The following SLC6A6 variants were observed in gnomAD, a reference collection of about 807,000 sequenced individuals.
The protein encoded by SLC6A6 is sodium- and chloride-dependent taurine transporter.
In SLC6A6, 16 loss-of-function variants were observed where a neutral mutation model predicts 68.8. The observed-to-expected ratio is 0.23, with a 90% confidence interval of 0.16 to 0.35. The LOEUF is 0.35. Among genes scored for constraint, SLC6A6 ranks in the 10% least tolerant of loss-of-function variants. SLC6A6 has a pLI of 1.00. For synonymous variants in SLC6A6, 312 were observed against 315.4 expected, an observed-to-expected ratio of 0.99 and a Z score of 0.12; for missense variants, 474 against 802.8, an observed-to-expected ratio of 0.59 and a Z score of 4.95.
At chr3:14,484,819 A>G (rs1262760415) in intron 14 of SLC6A6, 48 bp from the exon 15 acceptor site, 9 of 1,598,752 alleles carry the variant, frequency 5.6e-6, no homozygotes, top group Admixed American at 1.7e-5. Context: ...CGAAGGGGAG[A>G]CCAGGCCGCC....
At chr3:14,454,287 G>T (rs993657102) in intron 5 of SLC6A6, among the ~76,000 whole-genome samples, 6 of 152,186 alleles carry the variant, frequency 3.9e-5, no homozygotes, top group Non-Finnish European at 5.9e-5. Flanking sequence ...CAGAGACTGT[G>T]CTGGGAGAGC....
chr3:14,464,673 A>T (rs1700575288), intron 6 of SLC6A6, among the ~76,000 whole-genome samples: 1 of 152,130 alleles, frequency 6.6e-6, no homozygotes, highest in Non-Finnish European at 1.5e-5. Flanking sequence ...GGGCTCTGTC[A>T]CTATTGGTCA....
chr3:14,408,805 T>G (rs150004827), intron 1 of SLC6A6, among the ~76,000 whole-genome samples: 614 of 151,950 alleles, frequency 4.0e-3, no homozygotes, highest in Non-Finnish European at 6.2e-3. Context: ...GTTTTGTTTT[T>G]TTTTTGTTTG....
intron 1 of SLC6A6, among the ~76,000 whole-genome samples, chr3:14,413,491 T>C (rs778890265): frequency 1.4e-4 from 22 of 152,220 alleles, no homozygotes; most frequent in South Asian, 1.2e-3. Context: ...ACGTAGTGAC[T>C]CTGAGTCCTC....
rs532037000 is a variant in SLC6A6, at chr3:14,488,536, C to G, written c.*3529C>G. 6.6e-6 allele frequency: 1 copy of G among 152,380 alleles called. No homozygotes were observed. The highest frequency in any genetic ancestry group is 2.4e-5 in the African/African-American group (1 of 41,560). The allele number at this position is 152,380 out of a possible 1,614,324, so 9.4% of individuals were successfully genotyped here. A position where few individuals can be genotyped will look rare whatever the true frequency, so the allele number is the denominator to read the frequency against. On this transcript the variant is annotated 3_prime_UTR_variant, in exon 15 of 15. Coordinates refer to ENST00000622186, the MANE Select transcript of SLC6A6 (RefSeq NM_003043.6). ...GCCCACCCCACCCAAGATTCAGACACAAGCCAGGAAAGGACCCAAGAGAAA... is the reference window on the plus strand; with the variant it reads ...GCCCACCCCACCCAAGATTCAGACAGAAGCCAGGAAAGGACCCAAGAGAAA...
chr3:14,477,132 C>T lies in SLC6A6; in HGVS notation c.1210-73C>T. 1 of 1,448,736 alleles carries T rather than the reference C, an allele frequency of 6.9e-7. No individual in the cohort carries two copies. The highest frequency in any genetic ancestry group is 9.6e-7 in the Non-Finnish European group (1 of 1,044,760). 89.7% of individuals were successfully genotyped at this position (1,448,736 alleles called of 1,614,324 possible). A position where few individuals can be genotyped will look rare whatever the true frequency, so the allele number is the denominator to read the frequency against. ...CTCCTGCATTGTGTGTTCCTGGGCC[C>T]TTCCCTCCGAGCAGCAGGCAAGGGT... On this transcript the variant is annotated intron_variant, in intron 10 of 14. Coordinates refer to ENST00000622186, the MANE Select transcript of SLC6A6 (RefSeq NM_003043.6). The surrounding 1 kb of genome is among the most constrained non-coding windows in gnomAD (Gnocchi z 4.2).
chr3:14,470,215 A>T (rs931404197), intron 9 of SLC6A6, among the ~76,000 whole-genome samples: 1 of 152,160 alleles, frequency 6.6e-6, no homozygotes, highest in Non-Finnish European at 1.5e-5. Context: ...TGTCAATCTC[A>T]GTTGTTTTTT....
intron 3 of SLC6A6, among the ~76,000 whole-genome samples, chr3:14,445,047 G>T (rs1489396475): frequency 9.2e-6 from 1 of 109,074 alleles, no homozygotes; most frequent in Non-Finnish European, 1.8e-5. Context: ...CGACGTGTGA[G>T]TGGGTCTTAA....
chr3:14,449,108 C>T (rs1292746707), intron 5 of SLC6A6, among the ~76,000 whole-genome samples: 3 of 152,210 alleles, frequency 2.0e-5, no homozygotes, highest in African/African-American at 7.2e-5. Flanking sequence ...GAAGAGGGAG[C>T]GGCCTACCGA....
chr3:14,434,957 A>T (rs759636500), intron 2 of SLC6A6, among the ~76,000 whole-genome samples: 2 of 152,188 alleles, frequency 1.3e-5, no homozygotes, highest in African/African-American at 2.4e-5. Context: ...CAATGTTTTT[A>T]TGAGGGGAAG....
chr3:14,467,996 G>A (rs751456174), intron 8 of SLC6A6, 40 bp downstream of exon 8: 3 of 1,573,334 alleles, frequency 1.9e-6, no homozygotes, highest in African/African-American at 2.7e-5. Flanking sequence ...CTTTAGAAAT[G>A]ATGATGATGA....
rs978525316 is a variant in SLC6A6, at chr3:14,450,712, A to G, written c.599+2896A>G. ...GCACAGGCCGAGGCCAGAGAGCTACACCAGGGGACAGCTCAGTTCCAGCCC... is the reference window on the plus strand; with the variant it reads ...GCACAGGCCGAGGCCAGAGAGCTACGCCAGGGGACAGCTCAGTTCCAGCCC... On this transcript the variant is annotated intron_variant, in intron 5 of 14. Coordinates refer to ENST00000622186, the MANE Select transcript of SLC6A6 (RefSeq NM_003043.6). The surrounding 1 kb of genome is among the most constrained non-coding windows in gnomAD (Gnocchi z 4.1). 6.6e-5 allele frequency among the ~76,000 whole-genome samples: 10 copies of G among 152,202 alleles called. No individual in the cohort carries two copies. Among genetic ancestry groups the G allele is most frequent in the Non-Finnish European group, 1.3e-4 (9 of 68,034 alleles).
intron 2 of SLC6A6, among the ~76,000 whole-genome samples, chr3:14,426,730 G>C (rs1442696170): frequency 6.6e-6 from 1 of 152,132 alleles, no homozygotes; most frequent in African/African-American, 2.4e-5. Flanking sequence ...GAGAACCAAG[G>C]GTTGCTATGA....
In SLC6A6 at chr3:14,485,003, T is replaced by C. The variant is rs1701111794; in HGVS notation, c.1859T>C (p.Met620Thr). 6.2e-7 allele frequency: 1 copy of C among 1,607,922 alleles called. No individual in the cohort carries two copies. The highest frequency in any genetic ancestry group is 8.5e-7 in the Non-Finnish European group (1 of 1,175,454). Reference sequence around the variant, plus strand: ...ACCCACATCATTGTGGAGACCATGATGTGAGCTCTCTCGGGTCGACGGGGC... The same window carrying C: ...ACCCACATCATTGTGGAGACCATGACGTGAGCTCTCTCGGGTCGACGGGGC... ...KPTHIIVETM[M>T] The change falls in exon 15 of 15, where the codon ATG (methionine) becomes ACG (threonine). Residue 620 changes from methionine (M) to threonine (T), a missense_variant. This residue lies in a region of SLC6A6 where 194 missense variants were observed against 269.8 expected (regional missense o/e 0.72). Transcript: ENST00000622186.
At chr3:14,403,107 TGTGTGTGTGTGTGTGTGG>T (rs1699025322) in intron 1 of SLC6A6, among the ~76,000 whole-genome samples, 1 of 146,468 alleles carries the variant, frequency 6.8e-6, no homozygotes, top group African/African-American at 2.7e-5. Context: ...TGTGTGTGTG[TGTGTGTGTGTGTGTGTGG>T]CATATCTGTG....
At chr3:14,409,526 G>A (rs1018470446) in intron 1 of SLC6A6, among the ~76,000 whole-genome samples, 3 of 152,268 alleles carry the variant, frequency 2.0e-5, no homozygotes, top group South Asian at 2.1e-4. Flanking sequence ...TCCACCGGAT[G>A]CCTCAGCCCA....
chr3:14,449,516 C>G (rs993808612), intron 5 of SLC6A6, among the ~76,000 whole-genome samples: 1 of 152,192 alleles, frequency 6.6e-6, no homozygotes, highest in Admixed American at 6.5e-5. Context: ...GGCACTCAGC[C>G]AGTTACTGAA....
In SLC6A6 at chr3:14,447,823, C is replaced by A. The variant is rs1242561091; in HGVS notation, c.599+7C>A. 6.2e-7 allele frequency: 1 copy of A among 1,614,122 alleles called. No homozygotes were observed. The highest frequency in any genetic ancestry group is 1.1e-5 in the South Asian group (1 of 91,076). On this transcript the variant is annotated splice_region_variant and intron_variant, in intron 5 of 14. Coordinates refer to ENST00000622186, the MANE Select transcript of SLC6A6 (RefSeq NM_003043.6). ...CTGTCATCGAGTTCTGGGAGTAAGG[C>A]CACCTCATTGAAGCAAGGAGGAGGA...
chr3:14,474,817 C>G (rs771866091), intron 10 of SLC6A6, among the ~76,000 whole-genome samples: 3 of 152,220 alleles, frequency 2.0e-5, no homozygotes, highest in Non-Finnish European at 2.9e-5. Flanking sequence ...AGATCTACAG[C>G]CCAGAGGCAG....
Sources: gnomAD v4.1 joint callset for allele counts (sites outside exome capture counted in the v4.1 genomes callset) on GRCh38, gnomAD v4.1.1 for gene constraint, gnomAD v4.1.1 regional missense constraint, Gnocchi (gnomAD v3.1) non-coding constraint, MANE v1.5 for transcripts, NCBI Gene and HGNC (gene_info 2026-07-23, HGNC 2026-07-21) for gene names.